SRRM3: variants seen among roughly 807,000 people sequenced by gnomAD.
The protein encoded by SRRM3 is serine/arginine repetitive matrix protein 3.
A neutral mutation model predicts 66.2 loss-of-function variants in SRRM3; 27 were observed. The observed-to-expected ratio is 0.41, with a 90% CI of 0.30 to 0.56. SRRM3 has a LOEUF of 0.56. Ranked by LOEUF, SRRM3 falls within the 20% of genes least tolerant of loss-of-function variation. SRRM3 has a pLI of 0.32. For missense variants in SRRM3, 918 were observed against 991.9 expected, an observed-to-expected ratio of 0.93 and a Z score of 1.00; for synonymous variants, 391 against 414.9, an observed-to-expected ratio of 0.94 and a Z score of 0.70.
At position 76,275,884 on chromosome 7, in the gene SRRM3, G is replaced by C. The variant is rs543729207; in HGVS notation, c.1009-5557G>C. Among the ~76,000 whole-genome samples, 574 of 152,186 alleles carry C rather than the reference G, an allele frequency of 3.8e-3. 2 individuals are homozygous for C. The highest frequency in any genetic ancestry group is 9.8e-3 in the South Asian group (47 of 4,814). ...GAGGCCAGGAGTTTGAGACCAGCCT[G>C]AGCAACACAGCAAGACCCCATCTCT... is the stretch of plus-strand genomic sequence containing the variant. On this transcript the variant is annotated intron_variant, in intron 11 of 14. Coordinates refer to ENST00000611745, the MANE Select transcript of SRRM3 (RefSeq NM_001110199.3).
At chr7:76,224,315 G>A (rs1800801679) in intron 1 of SRRM3, among the ~76,000 whole-genome samples, 1 of 150,642 alleles carries the variant, frequency 6.6e-6, no homozygotes, top group African/African-American at 2.4e-5. Context: ...CCTGAGCTCA[G>A]GCAATCTGCC....
chr7:76,267,493 C>A, intron 11 of SRRM3, 58 bp downstream of exon 11: 1 of 720,734 alleles, frequency 1.4e-6, no homozygotes, highest in Non-Finnish European at 1.7e-6. Flanking sequence ...CGTGCGTGGT[C>A]GGGCGGGTCG....
intron 1 of SRRM3, among the ~76,000 whole-genome samples, chr7:76,210,898 G>T (rs1800415895): frequency 6.6e-6 from 1 of 152,068 alleles, no homozygotes; most frequent in Non-Finnish European, 1.5e-5. Flanking sequence ...TGCCTCCCAG[G>T]TTCAAGCGAT....
At chr7:76,248,410 G>A in intron 3 of SRRM3, 121 bp downstream of exon 3, 1 of 671,770 alleles carries the variant, frequency 1.5e-6, no homozygotes, top group Non-Finnish European at 2.6e-6. Flanking sequence ...GGGGTGGAGA[G>A]GAAGAAGATA....
At position 76,260,206 on chromosome 7, in the gene SRRM3, C is replaced by T. The variant is rs782675508; in HGVS notation, c.545+9C>T. 2.0e-6 allele frequency: 3 copies of T among 1,527,572 alleles called. No individual in the cohort carries two copies. In the South Asian group the frequency reaches 3.6e-5, roughly 19 times the overall value. 94.6% of individuals were successfully genotyped at this position (1,527,572 alleles called of 1,614,324 possible). ...GGCCACCGGAGAAGCCGGTGAGAAC[C>T]GCGCCTGACCGGAGCGGGAAGGGAG... is the stretch of plus-strand genomic sequence containing the variant. On this transcript the variant is annotated intron_variant, in intron 5 of 14. Coordinates refer to ENST00000611745, the MANE Select transcript of SRRM3 (RefSeq NM_001110199.3).
At position 76,285,717 on chromosome 7, in the gene SRRM3, C is replaced by G; in HGVS notation, c.1836C>G (p.Ser612Arg). The change falls in exon 15 of 15, where the codon AGC (serine) becomes AGG (arginine). Residue 612 changes from serine to arginine, a missense_variant. Transcript: ENST00000611745. The surrounding 1 kb of genome is among the most constrained non-coding windows in gnomAD (Gnocchi z 4.1). ...YSTRSHSRSP[S>R]PGHSHGSYSS... ...CCCGGAGCCACAGCCGCAGCCCCAG[C>G]CCCGGCCACAGCCACGGGAGCTACA... The G allele has an allele frequency of 1.3e-6, 2 of 1,550,832 alleles. No homozygotes were observed. Among genetic ancestry groups the G allele is most frequent in the Non-Finnish European group, 1.7e-6 (2 of 1,146,860 alleles).
rs1801941150 is a variant in SRRM3, at chr7:76,263,853, A to G, written c.675-912A>G. 2.2e-5 allele frequency among the ~76,000 whole-genome samples: 3 copies of G among 138,794 alleles called. No individual in the cohort carries two copies. The South Asian group carries it at 7.1e-4, about 33-fold the overall frequency. The allele number at this position is 138,794 out of a possible 152,430, so 91.1% of individuals were successfully genotyped here. A position where few individuals can be genotyped will look rare whatever the true frequency, so the allele number is the denominator to read the frequency against. On this transcript the variant is annotated intron_variant, in intron 8 of 14. Coordinates refer to ENST00000611745, the MANE Select transcript of SRRM3 (RefSeq NM_001110199.3). ...GTGCCACTGCACACCAGCCTGGGCA[A>G]CAGAGCGGGACTCTGTCTCAAGACA...
intron 5 of SRRM3, among the ~76,000 whole-genome samples, chr7:76,260,641 A>T (rs1218366283): frequency 1.3e-5 from 2 of 148,534 alleles, no homozygotes; most frequent in East Asian, 4.0e-4. Context: ...AGCCAGACTC[A>T]CTGACCGGGC....
In SRRM3 at chr7:76,281,728, C is replaced by G. The variant is rs1554611935; in HGVS notation, c.1296C>G (p.Ser432=). ...GCAGGGCCCGCTCCAGCAGCGACTC[C>G]GGCAGCGGCCGCGGCGCCCCCGGCC... The part of the protein sequence containing the change: ...SLSRARSSSD[S]GSGRGAPGPG... The change falls in exon 12 of 15, where the codon TCC becomes TCG. Residue 432 remains serine (S), a synonymous_variant. Coordinates refer to ENST00000611745, the MANE Select transcript of SRRM3 (RefSeq NM_001110199.3). 2.3e-6 allele frequency: 3 copies of G among 1,301,096 alleles called. No homozygotes were observed. The highest frequency in any genetic ancestry group is 1.7e-5 in the South Asian group (1 of 60,182). The allele number at this position is 1,301,096 out of a possible 1,614,324, so 80.6% of individuals were successfully genotyped here.
At chr7:76,231,126 CT>C (rs531555300) in intron 1 of SRRM3, among the ~76,000 whole-genome samples, 60 of 152,250 alleles carry the variant, frequency 3.9e-4, no homozygotes, top group South Asian at 1.9e-3. Context: ...CAGTCACCCC[CT>C]GGTCTGCTGG....
At chr7:76,282,491 C>G (rs1554612072) in intron 12 of SRRM3, 157 bp from the exon 13 acceptor site, 5 of 458,732 alleles carry the variant, frequency 1.1e-5, no homozygotes, top group Non-Finnish European at 1.9e-5. Context: ...CCCTGCCCCT[C>G]ACTAGGCTCC....
At chr7:76,213,401 C>A (rs1800483831) in intron 1 of SRRM3, among the ~76,000 whole-genome samples, 1 of 152,118 alleles carries the variant, frequency 6.6e-6, no homozygotes, top group Non-Finnish European at 1.5e-5. Flanking sequence ...CTTATTTAGT[C>A]CTCACAACAT....
At chr7:76,233,510 T>C (rs145024266) in intron 1 of SRRM3, among the ~76,000 whole-genome samples, 1 of 152,042 alleles carries the variant, frequency 6.6e-6, no homozygotes, top group Non-Finnish European at 1.5e-5. Context: ...GTTTGGGGCA[T>C]GGTGGGTGAT....
At chr7:76,207,699 C>CAATAAATAAATAAATAAATA (rs112873033) in intron 1 of SRRM3, among the ~76,000 whole-genome samples, 1 of 151,152 alleles carries the variant, frequency 6.6e-6, no homozygotes, top group African/African-American at 2.4e-5. Context: ...CCATCTCTAC[C>CAATAAATAAATAAATAAATA]AATAAATAAA....
At chr7:76,220,443 G>C (rs529977925) in intron 1 of SRRM3, among the ~76,000 whole-genome samples, 1 of 152,316 alleles carries the variant, frequency 6.6e-6, no homozygotes, top group Admixed American at 6.5e-5. Flanking sequence ...GTGTGGAGCT[G>C]GACAGGGATA....
chr7:76,263,260 C>G (rs908413043), intron 8 of SRRM3, among the ~76,000 whole-genome samples: 16 of 152,204 alleles, frequency 1.1e-4, no homozygotes, highest in African/African-American at 3.9e-4. Flanking sequence ...CACCCAAACC[C>G]ATAGCCTCCG....
At chr7:76,218,630 C>A (rs1420703381) in intron 1 of SRRM3, among the ~76,000 whole-genome samples, 1 of 150,226 alleles carries the variant, frequency 6.7e-6, no homozygotes, top group Non-Finnish European at 1.5e-5. Flanking sequence ...CTGGCCTCTA[C>A]AGATCTGTCT....
At chr7:76,241,474 T>G (rs1801293446) in intron 2 of SRRM3, among the ~76,000 whole-genome samples, 1 of 152,190 alleles carries the variant, frequency 6.6e-6, no homozygotes, top group Non-Finnish European at 1.5e-5. Flanking sequence ...CTGGGACAGA[T>G]AAGCTTCAGT....
At chr7:76,205,964 G>A (rs1800291731) in intron 1 of SRRM3, among the ~76,000 whole-genome samples, 1 of 152,132 alleles carries the variant, frequency 6.6e-6, no homozygotes, top group African/African-American at 2.4e-5. Flanking sequence ...TAAATCTTGG[G>A]ACTGACAGGG....
Sources: gnomAD v4.1 joint callset for allele counts (sites outside exome capture counted in the v4.1 genomes callset) on GRCh38, gnomAD v4.1.1 for gene constraint, Gnocchi (gnomAD v3.1) non-coding constraint, MANE v1.5 for transcripts, NCBI Gene and HGNC (gene_info 2026-07-23, HGNC 2026-07-21) for gene names.